Variants in PARD3B observed in about 807,000 individuals in gnomAD.
PARD3B encodes par-3 family cell polarity regulator beta.
PARD3B carries 103 observed loss-of-function variants against 130.2 expected under a neutral mutation model. That is an observed-to-expected ratio of 0.79 (90% CI 0.67 to 0.93). PARD3B has a LOEUF of 0.93. Ranked by LOEUF, PARD3B falls within the 40% of genes least tolerant of loss-of-function variation. The probability of loss-of-function intolerance (pLI) is 0.00; values close to 1 mark genes in which losing one functional copy is unlikely to be tolerated. For missense variants in PARD3B, 1,609 were observed against 1,499.2 expected, an observed-to-expected ratio of 1.07 and a Z score of -1.21; for synonymous variants, 583 against 553.2, an observed-to-expected ratio of 1.05 and a Z score of -0.76.
chr2:204,952,968 G>A (rs60965411), intron 2 of PARD3B, among the ~76,000 whole-genome samples: 17,562 of 147,164 alleles, frequency 0.12, 1,265 homozygotes, highest in African/African-American at 0.2. Flanking sequence ...CTGCACTCCA[G>A]CCTGGGCGAC....
At chr2:204,831,264 T>C (rs2043807577) in intron 2 of PARD3B, among the ~76,000 whole-genome samples, 1 of 152,168 alleles carries the variant, frequency 6.6e-6, no homozygotes, top group Non-Finnish European at 1.5e-5. Context: ...ATTGCTGAGA[T>C]CAAAAGCATT....
chr2:205,229,565 C>T lies in PARD3B; in HGVS notation c.2141-16213C>T, dbSNP rs1364894449. ...AACCGGTGTAGGGCTGACACAAGCA[C>T]CCTGTGGCCACTACGACTACCACTG... On this transcript the variant is annotated intron_variant, in intron 15 of 22. Transcript: ENST00000406610. The surrounding 1 kb of genome is among the most constrained non-coding windows in gnomAD (Gnocchi z 5.2). Among the ~76,000 whole-genome samples, 1 of 152,128 alleles carries T rather than the reference C, an allele frequency of 6.6e-6. No homozygotes were observed. The highest frequency in any genetic ancestry group is 1.5e-5 in the Non-Finnish European group (1 of 68,024).
intron 2 of PARD3B, among the ~76,000 whole-genome samples, chr2:204,821,540 G>A (rs1291554021): frequency 1.6e-5 from 2 of 121,964 alleles, no homozygotes; most frequent in Non-Finnish European, 3.3e-5. Context: ...TCACACTCTC[G>A]GGACTGTTGT....
chr2:204,626,777 T>G (rs1007651824), intron 1 of PARD3B, among the ~76,000 whole-genome samples: 15 of 152,158 alleles, frequency 9.9e-5, no homozygotes, highest in African/African-American at 3.4e-4. Context: ...ACTCCCAGTT[T>G]TGAAAGATTT....
In PARD3B at chr2:205,558,022, G is replaced by C. The variant is rs1015155452; in HGVS notation, c.3260+4619G>C. ...CTGGGGGAACTCACTGAAGCTGAAG[G>C]ATTCGCCGACTCAGGAAAGACCAGT... On this transcript the variant is annotated intron_variant, in intron 22 of 22. Transcript: ENST00000406610. The surrounding 1 kb of genome is among the most constrained non-coding windows in gnomAD (Gnocchi z 4.8). Among the ~76,000 whole-genome samples the C allele has an allele frequency of 3.9e-5, 6 of 152,170 alleles. No individual in the cohort carries two copies. The highest frequency in any genetic ancestry group is 7.3e-5 in the Non-Finnish European group (5 of 68,036).
chr2:205,507,404 C>CGG (rs2050415293), intron 21 of PARD3B, among the ~76,000 whole-genome samples: 1 of 151,240 alleles, frequency 6.6e-6, no homozygotes, highest in Non-Finnish European at 1.5e-5. Context: ...TTAGTAGAGA[C>CGG]GGGGTTTCAC....
At chr2:205,483,413 C>T (rs764352920) in intron 20 of PARD3B, among the ~76,000 whole-genome samples, 19 of 152,214 alleles carry the variant, frequency 1.2e-4, no homozygotes, top group Admixed American at 2.6e-4. Context: ...CTGGAAGCTA[C>T]AGACTTCAGA....
At position 204,907,040 on chromosome 2, in the gene PARD3B, G is replaced by T. The variant is rs188254487; in HGVS notation, c.223-58112G>T. Among the ~76,000 whole-genome samples the T allele has an allele frequency of 8.5e-5, 13 of 152,094 alleles. No homozygotes were observed. Among genetic ancestry groups the T allele is most frequent in the Admixed American group, 8.5e-4 (13 of 15,282 alleles). On this transcript the variant is annotated intron_variant, in intron 2 of 22. Transcript: ENST00000406610. The surrounding 1 kb of genome is among the most constrained non-coding windows in gnomAD (Gnocchi z 5.7). ...CTGTCGCCCAGGCTGGAGTTCAGTG[G>T]CACGATCTCGGCTCACTGTAACCTC...
chr2:205,065,061 T>C (rs1700285532), intron 4 of PARD3B, among the ~76,000 whole-genome samples: 1 of 152,196 alleles, frequency 6.6e-6, no homozygotes, highest in Admixed American at 6.6e-5. Context: ...TCCAGTGTAA[T>C]AACAGCATGG....
chr2:205,529,629 TC>T (rs1254823291), intron 21 of PARD3B, among the ~76,000 whole-genome samples: 1 of 152,190 alleles, frequency 6.6e-6, no homozygotes, highest in East Asian at 1.9e-4. Context: ...TGATTATACT[TC>T]ACTTTCTTTA....
intron 4 of PARD3B, among the ~76,000 whole-genome samples, chr2:205,099,770 G>A (rs1340353995): frequency 6.6e-6 from 1 of 152,112 alleles, no homozygotes; most frequent in Non-Finnish European, 1.5e-5. Flanking sequence ...AATTTTGTTA[G>A]TGCAATATAT....
intron 21 of PARD3B, among the ~76,000 whole-genome samples, chr2:205,506,526 A>G (rs752606333): frequency 6.6e-6 from 1 of 152,202 alleles, no homozygotes; most frequent in Non-Finnish European, 1.5e-5. Context: ...CTGGATGACA[A>G]GAGACAAATC....
chr2:204,552,956 A>C lies in PARD3B; in HGVS notation c.120+6837A>C, dbSNP rs561764481. On this transcript the variant is annotated intron_variant, in intron 1 of 22. Coordinates refer to ENST00000406610, the MANE Select transcript of PARD3B (RefSeq NM_001302769.2). ...TTCCATGGCAAAAGGAACAGTCAGC[A>C]GTGTAAACAGACAACCCACAGAGTG... is the stretch of plus-strand genomic sequence containing the variant. Among the ~76,000 whole-genome samples the C allele has an allele frequency of 2.1e-4, 32 of 152,348 alleles. No individual in the cohort carries two copies. In the South Asian group the frequency reaches 3.9e-3, roughly 19 times the overall value.
At chr2:205,234,519 A>C (rs2038977592) in intron 15 of PARD3B, among the ~76,000 whole-genome samples, 1 of 152,214 alleles carries the variant, frequency 6.6e-6, no homozygotes, top group Non-Finnish European at 1.5e-5. Flanking sequence ...TATGCACCTA[A>C]TAATAGTGCT....
rs992996677 is a variant in PARD3B at position 205,268,902 on chromosome 2, G to A, written c.2185+23080G>A. On this transcript the variant is annotated intron_variant, in intron 16 of 22. Transcript: ENST00000406610. This position sits in a 1 kb window ranked among gnomAD's most constrained non-coding sequence, Gnocchi z 4.1. ...CTGTCTTACCAGTGATGTTATTTGC[G>A]GACTAAAGTTTCTCAAAAGGAAGAA... 7.9e-5 allele frequency among the ~76,000 whole-genome samples: 12 copies of A among 151,964 alleles called. No individual in the cohort carries two copies. Among genetic ancestry groups the A allele is most frequent in the African/African-American group, 2.4e-4 (10 of 41,390 alleles).
At chr2:205,399,325 T>C (rs1264689771) in intron 18 of PARD3B, among the ~76,000 whole-genome samples, 1 of 151,846 alleles carries the variant, frequency 6.6e-6, no homozygotes, top group South Asian at 2.1e-4. Context: ...TTGTTTTGTT[T>C]TGTTTTGTTT....
At chr2:204,590,933 G>T (rs11902442) in intron 1 of PARD3B, among the ~76,000 whole-genome samples, 5,311 of 152,202 alleles carry the variant, frequency 0.035, 323 homozygotes, top group African/African-American at 0.12. Flanking sequence ...TTAAAGATAG[G>T]CAGTGAGACT....
At chr2:205,054,402 TTTTATATA>T (rs1344223141) in intron 4 of PARD3B, among the ~76,000 whole-genome samples, 1 of 39,286 alleles carries the variant, frequency 2.5e-5, no homozygotes, top group African/African-American at 7.5e-5. Context: ...ATGACATGTC[TTTTATATA>T]TATATATATA....
At position 205,178,143 on chromosome 2, in the gene PARD3B, T is replaced by TAAAAAAAAAAAA. The variant is rs58267787; in HGVS notation, c.1924+1590_1924+1601dup. Reference sequence around the variant, plus strand: ...CAACATGGCAAAATCCCATCTGTACTAAAAAAAAAAAAAAAAAAAAAAAAA... The same window carrying TAAAAAAAAAAAA: ...CAACATGGCAAAATCCCATCTGTACTAAAAAAAAAAAAAAAAAAAAAAAAAAAAAAAAAAAAA... On this transcript the variant is annotated intron_variant, in intron 13 of 22. Transcript: ENST00000406610. Among the ~76,000 whole-genome samples, 7 of 20,786 alleles carry TAAAAAAAAAAAA rather than the reference T, an allele frequency of 3.4e-4. 1 individual carries two copies. The highest frequency in any genetic ancestry group is 1.0e-3 in the African/African-American group (5 of 4,966). 13.6% of individuals were successfully genotyped at this position (20,786 alleles called of 152,430 possible). A position where few individuals can be genotyped will look rare whatever the true frequency, so the allele number is the denominator to read the frequency against.
Sources: gnomAD v4.1 joint callset for allele counts (sites outside exome capture counted in the v4.1 genomes callset) on GRCh38, gnomAD v4.1.1 for gene constraint, Gnocchi (gnomAD v3.1) non-coding constraint, MANE v1.5 for transcripts, NCBI Gene and HGNC (gene_info 2026-07-23, HGNC 2026-07-21) for gene names.